Variants in TTLL5 observed in about 807,000 individuals in gnomAD.
The protein encoded by TTLL5 is tubulin tyrosine ligase like 5.
TTLL5 carries 132 observed loss-of-function variants against 168.4 expected under a neutral mutation model. The observed-to-expected ratio is 0.78, with a 90% confidence interval of 0.68 to 0.91. TTLL5 has a LOEUF of 0.91. Among genes scored for constraint, TTLL5 ranks in the 40% least tolerant of loss-of-function variants. The probability of loss-of-function intolerance (pLI) is 0.00; values close to 1 mark genes in which losing one functional copy is unlikely to be tolerated. For synonymous variants in TTLL5, 546 were observed against 558.6 expected (o/e 0.98, Z 0.32); for missense variants, 1,545 against 1,581.5 (o/e 0.98, Z 0.39).
At chr14:75,781,411 T>G (rs1286962722) in intron 24 of TTLL5, among the ~76,000 whole-genome samples, 1 of 152,202 alleles carries the variant, frequency 6.6e-6, no homozygotes, top group African/African-American at 2.4e-5. Flanking sequence ...TTACCACTGC[T>G]ATTGGCGATG....
chr14:75,779,758 A>C (rs1418943091), intron 24 of TTLL5, 56 bp downstream of exon 24: 1 of 1,541,240 alleles, frequency 6.5e-7, no homozygotes, highest in Non-Finnish European at 8.8e-7. Flanking sequence ...GAAATGAGAA[A>C]TGCAAAGGAG....
chr14:75,717,383 G>A (rs1887539420), intron 9 of TTLL5, among the ~76,000 whole-genome samples: 1 of 152,210 alleles, frequency 6.6e-6, no homozygotes, highest in Non-Finnish European at 1.5e-5. Context: ...CCAAAGTGTT[G>A]AGATTAGAGG....
intron 31 of TTLL5, among the ~76,000 whole-genome samples, chr14:75,922,458 T>C (rs2140141375): frequency 6.6e-6 from 1 of 152,122 alleles, no homozygotes; most frequent in East Asian, 1.9e-4. Context: ...TTGAATTTTG[T>C]CAAAGGCCTT....
In TTLL5 at chr14:75,882,809, T is replaced by TCCA; in HGVS notation, c.3647_3648insCCA (p.Val1216_Pro1217insGln). ...CCAACCACTCTGCCACAAAAAGTGG[T>TCCA]ACCACCTCCAAGTTCTTGCGCCTCC... On this transcript the variant is annotated inframe_insertion, in exon 30 of 32. Coordinates refer to ENST00000298832, the MANE Select transcript of TTLL5 (RefSeq NM_015072.5). 6.2e-7 allele frequency: 1 copy of TCCA among 1,614,118 alleles called. No individual in the cohort carries two copies. The highest frequency in any genetic ancestry group is 8.5e-7 in the Non-Finnish European group (1 of 1,180,012).
At chr14:75,780,834 A>G (rs1033207103) in intron 24 of TTLL5, among the ~76,000 whole-genome samples, 1 of 152,186 alleles carries the variant, frequency 6.6e-6, no homozygotes, top group Non-Finnish European at 1.5e-5. Flanking sequence ...GAGTTTTTCT[A>G]ACTTCATTCA....
intron 3 of TTLL5, among the ~76,000 whole-genome samples, chr14:75,671,696 T>C (rs1883764734): frequency 6.6e-6 from 1 of 152,232 alleles, no homozygotes; most frequent in East Asian, 1.9e-4. Flanking sequence ...TATTCACTGC[T>C]AGTGTATAGA....
At chr14:75,863,925 A>AAAAAAAAAAAAAAAAAAAAAG (rs1235470114) in intron 29 of TTLL5, 63 bp downstream of exon 29, 1 of 1,332,482 alleles carries the variant, frequency 7.5e-7, no homozygotes, top group Non-Finnish European at 9.9e-7. Context: ...AAAAAAAAAA[A>AAAAAAAAAAAAAAAAAAAAAG]AAAAAAAAAG....
chr14:75,920,860 A>G (rs1008089589), intron 31 of TTLL5, among the ~76,000 whole-genome samples: 29 of 152,296 alleles, frequency 1.9e-4, no homozygotes, highest in South Asian at 1.9e-3. Context: ...AAGCGTTCCT[A>G]TTTCTCCACA....
intron 30 of TTLL5, among the ~76,000 whole-genome samples, chr14:75,897,970 T>G (rs765358113): frequency 4.7e-4 from 71 of 152,348 alleles, no homozygotes; most frequent in East Asian, 1.2e-3. Flanking sequence ...ACTCTTCTCA[T>G]GTTTGAACTC....
chr14:75,932,237 A>T (rs549248707), intron 31 of TTLL5, among the ~76,000 whole-genome samples: 1 of 152,284 alleles, frequency 6.6e-6, no homozygotes, highest in African/African-American at 2.4e-5. Flanking sequence ...TGATATTCGG[A>T]GGCTATTCTA....
intron 28 of TTLL5, among the ~76,000 whole-genome samples, chr14:75,830,984 G>A (rs534999335): frequency 1.1e-4 from 17 of 152,142 alleles, no homozygotes; most frequent in East Asian, 7.7e-4. Flanking sequence ...TGGTAGCCAC[G>A]AGCCACATGT....
intron 15 of TTLL5, chr14:75,744,549 T>C (rs545517850): frequency 4.6e-5 from 7 of 152,734 alleles, no homozygotes; most frequent in African/African-American, 1.4e-4. Context: ...ACAGCTCTTT[T>C]CTGTGTTACT....
intron 21 of TTLL5, among the ~76,000 whole-genome samples, chr14:75,773,927 T>TATATATAGAGAGAGAG (rs1354936334): frequency 8.0e-4 from 17 of 21,122 alleles, no homozygotes; most frequent in African/African-American, 1.0e-3. Flanking sequence ...TATATATATA[T>TATATATAGAGAGAGAG]AGAGAGAGAG....
At chr14:75,941,152 C>G (rs2034589882) in intron 31 of TTLL5, among the ~76,000 whole-genome samples, 1 of 152,192 alleles carries the variant, frequency 6.6e-6, no homozygotes. Context: ...CTCCCATGTC[C>G]CATGTGGCTG....
chr14:75,717,506 A>G (rs1054900447), intron 9 of TTLL5, among the ~76,000 whole-genome samples: 1 of 152,132 alleles, frequency 6.6e-6, no homozygotes, highest in Non-Finnish European at 1.5e-5. Context: ...TTCAATTTTC[A>G]TTCTTCCTAT....
At chr14:75,904,244 T>G in intron 31 of TTLL5, 1 of 1,166,146 alleles carries the variant, frequency 8.6e-7, no homozygotes, top group Non-Finnish European at 1.1e-6. Flanking sequence ...TACTAGAACA[T>G]GGTAGTTAAC....
chr14:75,907,783 C>G (rs1248417588), intron 31 of TTLL5, among the ~76,000 whole-genome samples: 1 of 152,202 alleles, frequency 6.6e-6, no homozygotes, highest in Non-Finnish European at 1.5e-5. Context: ...ACTAAGCAGC[C>G]TGTCCAATGA....
In TTLL5 at chr14:75,766,072, A is replaced by G. The variant is rs200095377; in HGVS notation, c.1719A>G (p.Gln573=). 119 of 1,610,762 alleles carry G rather than the reference A, an allele frequency of 7.4e-5. No individual in the cohort carries two copies. The highest frequency in any genetic ancestry group is 8.1e-5 in the Non-Finnish European group (95 of 1,178,586). ...ATTCTTCGTATTTAGTGATTACCCAACCAGCTGAAATGAATGTTAAAACTG... is the reference window on the plus strand; with the variant it reads ...ATTCTTCGTATTTAGTGATTACCCAGCCAGCTGAAATGAATGTTAAAACTG... ...AMRPKYPVIT[Q]PAEMNVKTET... Residue 573 remains glutamine, a synonymous_variant, in exon 20 of 32, where the codon CAA becomes CAG. Coordinates refer to ENST00000298832, the MANE Select transcript of TTLL5 (RefSeq NM_015072.5).
Position 75,708,469 on chromosome 14 carries a change from G to A in TTLL5, c.740+762G>A, listed in dbSNP as rs372499394. ...GCCTCCTGAGTAGCTGGGACAACAGGTGCCCCCCACCATGCCTGGCTAATG... is the reference window on the plus strand; with the variant it reads ...GCCTCCTGAGTAGCTGGGACAACAGATGCCCCCCACCATGCCTGGCTAATG... On this transcript the variant is annotated intron_variant, in intron 9 of 31. Coordinates refer to ENST00000298832, the MANE Select transcript of TTLL5 (RefSeq NM_015072.5). Among the ~76,000 whole-genome samples, 21 of 152,160 alleles carry A rather than the reference G, an allele frequency of 1.4e-4. No homozygotes were observed. The East Asian group carries it at 3.1e-3, about 22-fold the overall frequency.
Sources: allele counts gnomAD v4.1 joint callset (sites outside exome capture counted in the v4.1 genomes callset), GRCh38; gene constraint gnomAD v4.1.1; transcripts MANE v1.5; gene names NCBI Gene and HGNC (gene_info 2026-07-23, HGNC 2026-07-21).